Variants in FAM200A observed in about 807,000 individuals in gnomAD.
The protein encoded by FAM200A is protein FAM200A.
In FAM200A, 26 loss-of-function variants were observed where a neutral mutation model predicts 44.2. The ratio of observed to expected loss-of-function variants is 0.59; its 90% CI spans 0.43 to 0.82. The LOEUF (loss-of-function observed/expected upper bound fraction) is 0.82, where lower values mean the gene tolerates loss of function less well. FAM200A is among the 40% of genes least tolerant of loss of function. FAM200A has a pLI of 0.00. For synonymous variants in FAM200A, 206 were observed against 244.4 expected, an observed-to-expected ratio of 0.84 and a Z score of 1.47; for missense variants, 606 against 669.5, an observed-to-expected ratio of 0.91 and a Z score of 1.05.
chr7:99,547,130 A>T lies in FAM200A; in HGVS notation c.1278T>A (p.His426Gln). The T allele has an allele frequency of 6.5e-7, 1 of 1,546,442 alleles. No homozygotes were observed. The highest frequency in any genetic ancestry group is 8.7e-7 in the Non-Finnish European group (1 of 1,145,540). Residue 426 changes from histidine (H) to glutamine (Q), a missense_variant, in exon 2 of 2, where the codon CAT (histidine) becomes CAA (glutamine). His to Gln is a conservative substitution (Grantham distance 24). Transcript: ENST00000449309. ...TAAAAGTTTGAGACAAAGAAGTGAG[A>T]TGCAACAATATCTCTAATTTTATTT... ...LKEIKLEILL[H>Q]LTSLSQTFNY...
At chr7:99,557,427 G>A (rs999664680) in intron 1 of FAM200A, among the ~76,000 whole-genome samples, 1 of 152,166 alleles carries the variant, frequency 6.6e-6, no homozygotes, top group African/African-American at 2.4e-5. Flanking sequence ...TAAAATGGCC[G>A]TTATGAAGAG....
chr7:99,548,058 C>A lies in FAM200A; in HGVS notation c.350G>T (p.Arg117Leu), dbSNP rs770952970. 1 of 1,551,512 alleles carries A rather than the reference C, an allele frequency of 6.4e-7. No individual in the cohort carries two copies. The highest frequency in any genetic ancestry group is 1.2e-5 in the South Asian group (1 of 84,042). The part of the protein sequence containing the change: ...TIPLSDNTIS[R>L]RICTIAKHLE... ...ATGTTTTGCAATCGTACAGATTCGA[C>A]GAGATATTGTATTATCACTAAGAGG... Residue 117 changes from arginine (R) to leucine (L), a missense_variant, in exon 2 of 2, where the codon CGT becomes CTT. By Grantham distance (102) the Arg-to-Leu change is moderately radical. Coordinates refer to ENST00000449309, the MANE Select transcript of FAM200A (RefSeq NM_145111.4).
upstream of FAM200A, among the ~76,000 whole-genome samples, chr7:99,555,189 G>A (rs1299656337): frequency 6.6e-6 from 1 of 152,170 alleles, no homozygotes; most frequent in African/African-American, 2.4e-5. Flanking sequence ...TCTAATGACT[G>A]GTATCCTTAT....
At position 99,547,466 on chromosome 7, in the gene FAM200A, A is replaced by G. The variant is rs1163449214; in HGVS notation, c.942T>C (p.Tyr314=). 6.4e-7 allele frequency: 1 copy of G among 1,551,380 alleles called. No homozygotes were observed. The highest frequency in any genetic ancestry group is 8.7e-7 in the Non-Finnish European group (1 of 1,146,864). Residue 314 remains tyrosine (Y), a synonymous_variant, in exon 2 of 2, where the codon TAT becomes TAC. Transcript: ENST00000449309. ...AAATGTAAATCTCGTTCCTGAGTTC[A>G]TATACTCTGCTCAATACTTTTCCTT... is the stretch of plus-strand genomic sequence containing the variant. ...LSQGKVLSRV[Y]ELRNEIYIFL... is the part of the protein sequence containing the mutation.
chr7:99,550,619 T>A (rs1474372030), intron 1 of FAM200A, among the ~76,000 whole-genome samples: 1 of 152,166 alleles, frequency 6.6e-6, no homozygotes, highest in African/African-American at 2.4e-5. Context: ...TGAGACTTGG[T>A]GGGTCTATGT....
upstream of FAM200A, among the ~76,000 whole-genome samples, chr7:99,552,454 C>G (rs149517424): frequency 6.6e-6 from 1 of 152,222 alleles, no homozygotes; most frequent in Non-Finnish European, 1.5e-5. Context: ...TTTCACAAAT[C>G]GAAGGGATTG....
chr7:99,547,677 T>A lies in FAM200A; in HGVS notation c.731A>T (p.His244Leu). ...TTCTTTGGATACCAAAGCTTCTCGA[T>A]GAATAAAACAGTGATTCCAAACAGC... is the stretch of plus-strand genomic sequence containing the variant. Reference protein sequence around the residue: ...NNAVWNHCFIHREALVSKEIS... With the variant: ...NNAVWNHCFILREALVSKEIS... Residue 244 changes from histidine (H) to leucine (L), a missense_variant, in exon 2 of 2, where the codon CAT becomes CTT. By Grantham distance (99) the His-to-Leu change is moderately conservative. Transcript: ENST00000449309. 1 of 1,551,174 alleles carries A rather than the reference T, an allele frequency of 6.4e-7. No individual in the cohort carries two copies. Among genetic ancestry groups the A allele is most frequent in the Non-Finnish European group, 8.7e-7 (1 of 1,146,820 alleles).
chr7:99,554,765 T>C (rs1802645341), upstream of FAM200A, among the ~76,000 whole-genome samples: 1 of 152,188 alleles, frequency 6.6e-6, no homozygotes, highest in African/African-American at 2.4e-5. Context: ...AGTGGGGCTG[T>C]AATGAAGAAC....
chr7:99,546,699 T>TGTAGATCTCG lies in FAM200A; in HGVS notation c.1708_1709insCGAGATCTAC (p.His570ProfsTer18). ...TAAAGTTTGTATTTAATGTGATGGG[T>TGTAGATCTCG]GTGCTTGTCTGTTCATAAGTTCCTT... is the stretch of plus-strand genomic sequence containing the variant. On this transcript the variant is annotated frameshift_variant, in exon 2 of 2. Coordinates refer to ENST00000449309, the MANE Select transcript of FAM200A (RefSeq NM_145111.4). LOFTEE classifies it high-confidence loss of function. 1 of 1,523,546 alleles carries TGTAGATCTCG rather than the reference T, an allele frequency of 6.6e-7. No homozygotes were observed. The highest frequency in any genetic ancestry group is 1.3e-5 in the South Asian group (1 of 78,958). 94.4% of individuals were successfully genotyped at this position (1,523,546 alleles called of 1,614,324 possible).
At position 99,551,922 on chromosome 7, in the gene FAM200A, G is replaced by A. The variant is rs1802542142; in HGVS notation, c.-168C>T. 1.0e-6 allele frequency: 1 copy of A among 985,556 alleles called. No individual in the cohort carries two copies. 61.1% of individuals were successfully genotyped at this position (985,556 alleles called of 1,614,324 possible). ...GCCGAGGCTGGCGCGAGGAACGGGG[G>A]CACGGACCCGCTTCCACTCCGTCCC... On this transcript the variant is annotated 5_prime_UTR_variant, in exon 1 of 2. Coordinates refer to ENST00000449309, the MANE Select transcript of FAM200A (RefSeq NM_145111.4).
At chr7:99,553,081 ATATATATATATATATATATTTT>A (rs1351693441), upstream of FAM200A, among the ~76,000 whole-genome samples, 19 of 92,060 alleles carry the variant, frequency 2.1e-4, no homozygotes, top group South Asian at 5.4e-3. Flanking sequence ...ATATATATAT[ATATATATATATATATATATTTT>A]TTTTTTTTTT....
Position 99,552,032 on chromosome 7 carries a change from A to G in FAM200A, c.-278T>C. On this transcript the variant is annotated 5_prime_UTR_variant, in exon 1 of 2. Transcript: ENST00000449309. ...CCGGAGAAGTCTGGGATGCTGGGAT[A>G]GAAGGGGTTGTGACTTTGGGGACCA... 1.0e-6 allele frequency: 1 copy of G among 985,636 alleles called. No homozygotes were observed. The highest frequency in any genetic ancestry group is 1.7e-5 in the African/African-American group (1 of 57,382). The allele number at this position is 985,636 out of a possible 1,614,324, so 61.1% of individuals were successfully genotyped here.
chr7:99,554,342 G>A (rs767401972), upstream of FAM200A, among the ~76,000 whole-genome samples: 33 of 152,024 alleles, frequency 2.2e-4, no homozygotes, highest in Non-Finnish European at 4.4e-4. Context: ...ACCTGGGTAC[G>A]GTGGTGTGTG....
chr7:99,553,249 G>T (rs1040378653), upstream of FAM200A, among the ~76,000 whole-genome samples: 6 of 150,942 alleles, frequency 4.0e-5, no homozygotes, highest in East Asian at 1.2e-3. Context: ...TCCTTCCAGG[G>T]TTCCAAGTCA....
At chr7:99,550,922 C>T (rs1303244900) in intron 1 of FAM200A, among the ~76,000 whole-genome samples, 2 of 151,994 alleles carry the variant, frequency 1.3e-5, no homozygotes, top group Admixed American at 6.6e-5. Flanking sequence ...ACTAAAAGTA[C>T]AAAAATTAGC....
In FAM200A at chr7:99,551,918, G is replaced by C. The variant is rs1049053062; in HGVS notation, c.-164C>G. 1 of 985,436 alleles carries C rather than the reference G, an allele frequency of 1.0e-6. No homozygotes were observed. The allele number at this position is 985,436 out of a possible 1,614,324, so 61.0% of individuals were successfully genotyped here. A position where few individuals can be genotyped will look rare whatever the true frequency, so the allele number is the denominator to read the frequency against. On this transcript the variant is annotated 5_prime_UTR_variant, in exon 1 of 2. Coordinates refer to ENST00000449309, the MANE Select transcript of FAM200A (RefSeq NM_145111.4). ...CACCGCCGAGGCTGGCGCGAGGAAC[G>C]GGGGCACGGACCCGCTTCCACTCCG...
upstream of FAM200A, among the ~76,000 whole-genome samples, chr7:99,553,006 CAT>C (rs1196644134): frequency 2.9e-5 from 4 of 137,330 alleles, no homozygotes; most frequent in African/African-American, 5.8e-5. Flanking sequence ...TATACACACA[CAT>C]ATATATACAC....
chr7:99,551,931 C>T lies in FAM200A; in HGVS notation c.-177G>A. ...GGCGCGAGGAACGGGGGCACGGACC[C>T]GCTTCCACTCCGTCCCGGGCGGTCG... On this transcript the variant is annotated 5_prime_UTR_variant, in exon 1 of 2. Transcript: ENST00000449309. 1 of 985,554 alleles carries T rather than the reference C, an allele frequency of 1.0e-6. No individual in the cohort carries two copies. The highest frequency in any genetic ancestry group is 1.2e-6 in the Non-Finnish European group (1 of 830,036). 61.1% of individuals were successfully genotyped at this position (985,554 alleles called of 1,614,324 possible). A position where few individuals can be genotyped will look rare whatever the true frequency, so the allele number is the denominator to read the frequency against.
chr7:99,556,404 G>A (rs553790767), upstream of FAM200A, among the ~76,000 whole-genome samples: 1 of 152,124 alleles, frequency 6.6e-6, no homozygotes, highest in Non-Finnish European at 1.5e-5. Context: ...TACTGTCACT[G>A]TTACAAACAG....
Sources: gnomAD v4.1 joint callset for allele counts (sites outside exome capture counted in the v4.1 genomes callset) on GRCh38, gnomAD v4.1.1 for gene constraint, MANE v1.5 for transcripts, NCBI Gene and HGNC (gene_info 2026-07-23, HGNC 2026-07-21) for gene names.